The following FBN2 variants were observed in gnomAD, a reference collection of about 807,000 sequenced individuals.
FBN2 encodes the protein fibrillin 2.
A neutral mutation model predicts 355.6 loss-of-function variants in FBN2; 105 were observed. The observed-to-expected ratio is 0.30, with a 90% confidence interval of 0.25 to 0.35. FBN2 has a LOEUF of 0.35. FBN2 is among the 10% of genes least tolerant of loss of function. The pLI, the probability that FBN2 is intolerant of heterozygous loss-of-function variation, is 1.00. For missense variants in FBN2, 3,280 were observed against 3,758.7 expected (o/e 0.87, Z 3.33); for synonymous variants, 1,350 against 1,301.2 (o/e 1.04, Z -0.81).
intron 62 of FBN2, among the ~76,000 whole-genome samples, chr5:128,271,626 T>G (rs1399444551): frequency 6.6e-6 from 1 of 152,148 alleles, no homozygotes; most frequent in Non-Finnish European, 1.5e-5. Context: ...CTCCTTTAGA[T>G]TCGTATGAGG....
chr5:128,537,524 G>C lies in FBN2; in HGVS notation c.80C>G (p.Ala27Gly). ...GCVVLWAQGTAGQPQPPPPKP... is the reference protein window; with the variant it reads ...GCVVLWAQGTGGQPQPPPPKP... The stretch of plus-strand genomic sequence containing the variant: ...GGGCGGAGGAGGCTGAGGCTGGCCG[G>C]CCGTGCCCTGCGCCCAGAGCACCAC... The change falls in exon 1 of 65, where the codon GCC (alanine) becomes GGC (glycine). Residue 27 changes from alanine (A) to glycine (G), a missense_variant. This residue lies in a region of FBN2 where 203 missense variants were observed against 142.2 expected (regional missense o/e 1.43). Transcript: ENST00000262464. 2 of 1,578,840 alleles carry C rather than the reference G, an allele frequency of 1.3e-6. No individual in the cohort carries two copies. The highest frequency in any genetic ancestry group is 8.6e-7 in the Non-Finnish European group (1 of 1,165,456).
At chr5:128,492,140 G>T (rs1308207451) in intron 5 of FBN2, among the ~76,000 whole-genome samples, 1 of 152,098 alleles carries the variant, frequency 6.6e-6, no homozygotes, top group Admixed American at 6.5e-5. Context: ...ATAATTTGCA[G>T]ATTATTCTGC....
chr5:128,422,368 T>C (rs1753371658), intron 7 of FBN2, among the ~76,000 whole-genome samples: 1 of 152,140 alleles, frequency 6.6e-6, no homozygotes, highest in South Asian at 2.1e-4. Flanking sequence ...AAGAAATAAG[T>C]AGAAACTTGA....
At chr5:128,506,026 A>T (rs982852370) in intron 5 of FBN2, among the ~76,000 whole-genome samples, 9 of 152,222 alleles carry the variant, frequency 5.9e-5, no homozygotes, top group Non-Finnish European at 1.0e-4. Context: ...ATATGCATAT[A>T]CTTAACTTTT....
In FBN2 at chr5:128,259,633, C is replaced by G; in HGVS notation, c.8561G>C (p.Ser2854Thr). The G allele has an allele frequency of 6.2e-7, 1 of 1,614,080 alleles. No individual in the cohort carries two copies. Among genetic ancestry groups the G allele is most frequent in the Non-Finnish European group, 8.5e-7 (1 of 1,180,010 alleles). The change falls in exon 65 of 65, where the codon AGC (serine) becomes ACC (threonine). Residue 2854 changes from serine (S) to threonine (T), a missense_variant. Physicochemically the swap from Ser to Thr is moderately conservative, Grantham distance 58. This residue lies in a region of FBN2 where 311 missense variants were observed against 319.1 expected (regional missense o/e 0.97). Coordinates refer to ENST00000262464, the MANE Select transcript of FBN2 (RefSeq NM_001999.4). ...CTTCTTCTTGGCCGTGTGCAAGTAGCTGAGCCCATTCCTTTGGTGGATGCG... is the reference window on the plus strand; with the variant it reads ...CTTCTTCTTGGCCGTGTGCAAGTAGGTGAGCCCATTCCTTTGGTGGATGCG... ...VFRIHQRNGL[S>T]YLHTAKKKLM...
intron 5 of FBN2, among the ~76,000 whole-genome samples, chr5:128,472,327 G>C (rs1311800490): frequency 6.6e-6 from 1 of 152,110 alleles, no homozygotes; most frequent in Non-Finnish European, 1.5e-5. Context: ...CATAAAGACA[G>C]AAAGTAGAAT....
chr5:128,480,380 G>T (rs1462376357), intron 5 of FBN2, among the ~76,000 whole-genome samples: 1 of 151,906 alleles, frequency 6.6e-6, no homozygotes, highest in Non-Finnish European at 1.5e-5. Flanking sequence ...TTCACAGCCA[G>T]AATTCTAGCT....
At chr5:128,282,572 G>A (rs1025462023) in intron 55 of FBN2, among the ~76,000 whole-genome samples, 2 of 151,936 alleles carry the variant, frequency 1.3e-5, no homozygotes, top group East Asian at 1.9e-4. Context: ...CATAATTTGT[G>A]CTTCAAATTC....
Position 128,314,477 on chromosome 5 carries a change from G to A in FBN2, c.4718-1682C>T, listed in dbSNP as rs574131320. Among the ~76,000 whole-genome samples the A allele has an allele frequency of 1.0e-3, 156 of 151,764 alleles. 1 individual carries two copies. Among genetic ancestry groups the A allele is most frequent in the African/African-American group, 3.0e-3 (124 of 41,424 alleles). ...GGACTACAGGTGCCTGCCACCACGCGCAGTTAATTTTTGTATTTTTAGTAG... is the reference window on the plus strand; with the variant it reads ...GGACTACAGGTGCCTGCCACCACGCACAGTTAATTTTTGTATTTTTAGTAG... On this transcript the variant is annotated intron_variant, in intron 36 of 64. Coordinates refer to ENST00000262464, the MANE Select transcript of FBN2 (RefSeq NM_001999.4).
rs1313331450 is a variant in FBN2, at chr5:128,272,046, C to T, written c.7913G>A (p.Gly2638Asp). The part of the protein sequence containing the change: ...CQNILGGYRC[G>D]CPQGYIQHYQ... Reference sequence around the variant, plus strand: ...GTGCTGGATGTAGCCTTGGGGGCAGCCACATCTGTAGCCACCCAGGATGTT... The same window carrying T: ...GTGCTGGATGTAGCCTTGGGGGCAGTCACATCTGTAGCCACCCAGGATGTT... The change falls in exon 62 of 65, where the codon GGC becomes GAC. Residue 2638 changes from glycine to aspartate, a missense_variant. Gly to Asp is a moderately conservative substitution (Grantham distance 94). This residue lies in a region of FBN2 where 9 missense variants were observed against 27.1 expected (regional missense o/e 0.33). Coordinates refer to ENST00000262464, the MANE Select transcript of FBN2 (RefSeq NM_001999.4). The T allele has an allele frequency of 4.3e-6, 7 of 1,614,062 alleles. No individual in the cohort carries two copies. The highest frequency in any genetic ancestry group is 4.2e-6 in the Non-Finnish European group (5 of 1,179,948).
At chr5:128,281,178 A>T (rs1329978073) in intron 55 of FBN2, among the ~76,000 whole-genome samples, 2 of 152,226 alleles carry the variant, frequency 1.3e-5, no homozygotes, top group Non-Finnish European at 2.9e-5. Context: ...AACCTAGCAG[A>T]ATTCTTAAAA....
rs780791496 is a variant in FBN2 at position 128,263,453 on chromosome 5, G to A, written c.8164C>T (p.Pro2722Ser). ...TGTCCCACTCTGTAATACCCAGGGG[G>A]GCAGCCACAGAGGTAGCCCCCCTCC... ...NTEGGYLCGC[P>S]PGYYRVGQGH... The change falls in exon 63 of 65, where the codon CCC becomes TCC. Residue 2722 changes from proline (P) to serine (S), a missense_variant. Transcript: ENST00000262464. 1.9e-6 allele frequency: 3 copies of A among 1,613,962 alleles called. No homozygotes were observed. In the Admixed American group the frequency reaches 5.0e-5, roughly 27 times the overall value.
At chr5:128,408,837 C>G (rs530523497) in intron 7 of FBN2, 38 bp from the exon 8 acceptor site, 14 of 1,612,334 alleles carry the variant, frequency 8.7e-6, no homozygotes, top group African/African-American at 1.3e-5. Context: ...TTGAGAAAGG[C>G]CTTCATTAAA....
At chr5:128,297,443 A>G (rs1749556156) in intron 48 of FBN2, among the ~76,000 whole-genome samples, 1 of 151,962 alleles carries the variant, frequency 6.6e-6, no homozygotes, top group Non-Finnish European at 1.5e-5. Flanking sequence ...GGGGTGTTAA[A>G]GTCTCCCATT....
At chr5:128,463,439 C>A (rs2127082166) in intron 6 of FBN2, among the ~76,000 whole-genome samples, 1 of 152,196 alleles carries the variant, frequency 6.6e-6, no homozygotes, top group Non-Finnish European at 1.5e-5. Flanking sequence ...CATATGTGAG[C>A]TTTCATATGT....
At chr5:128,521,642 C>T (rs1025116803) in intron 4 of FBN2, among the ~76,000 whole-genome samples, 2 of 152,124 alleles carry the variant, frequency 1.3e-5, no homozygotes, top group Non-Finnish European at 2.9e-5. Flanking sequence ...TCTTTAAATG[C>T]TATTGAGCTG....
At chr5:128,335,127 G>C (rs779019756) in intron 30 of FBN2, 43 bp downstream of exon 30, 50 of 1,612,540 alleles carry the variant, frequency 3.1e-5, no homozygotes, top group Non-Finnish European at 4.2e-5. Flanking sequence ...GGGTGTGTGT[G>C]CATGTGTGTG....
chr5:128,531,482 C>T lies in FBN2; in HGVS notation c.338-789G>A, dbSNP rs953011691. 9.2e-5 allele frequency among the ~76,000 whole-genome samples: 14 copies of T among 152,020 alleles called. No homozygotes were observed. The South Asian group carries it at 2.7e-3, about 29-fold the overall frequency. On this transcript the variant is annotated intron_variant, in intron 2 of 64. Coordinates refer to ENST00000262464, the MANE Select transcript of FBN2 (RefSeq NM_001999.4). ...GTGGACACTGCTCAGGTGATGGATG[C>T]ACCAAAATCTCACAAATCACCACTA... is the stretch of plus-strand genomic sequence containing the variant.
At chr5:128,517,127 A>G (rs1341925902) in intron 5 of FBN2, among the ~76,000 whole-genome samples, 1 of 152,208 alleles carries the variant, frequency 6.6e-6, no homozygotes, top group East Asian at 1.9e-4. Flanking sequence ...ATCTTTATTG[A>G]ATTCTCAGAA....
Sources: allele counts gnomAD v4.1 joint callset (sites outside exome capture counted in the v4.1 genomes callset), GRCh38; gene constraint gnomAD v4.1.1; regional missense constraint gnomAD v4.1.1; transcripts MANE v1.5; gene names NCBI Gene and HGNC (gene_info 2026-07-23, HGNC 2026-07-21).